QRICH1: variants seen among roughly 807,000 people sequenced by gnomAD.
QRICH1 encodes the protein glutamine rich 1.
In QRICH1, 16 loss-of-function variants were observed where a neutral mutation model predicts 87.1. The ratio of observed to expected loss-of-function variants is 0.18; its 90% CI spans 0.12 to 0.28. The LOEUF is 0.28. Among genes scored for constraint, QRICH1 ranks in the 10% least tolerant of loss-of-function variants. The pLI, the probability that QRICH1 is intolerant of heterozygous loss-of-function variation, is 1.00. For missense variants in QRICH1, 647 were observed against 951.7 expected (o/e 0.68, Z 4.21); for synonymous variants, 367 against 368.4 (o/e 1.00, Z 0.05).
At chr3:49,084,733 C>T (rs912559867) in intron 1 of QRICH1, among the ~76,000 whole-genome samples, 2 of 151,908 alleles carry the variant, frequency 1.3e-5, no homozygotes, top group African/African-American at 4.8e-5. Flanking sequence ...CACTGCACTT[C>T]AGCCTGGGGA....
At chr3:49,088,033 GCT>G (rs2042203261) in intron 1 of QRICH1, among the ~76,000 whole-genome samples, 1 of 150,076 alleles carries the variant, frequency 6.7e-6, no homozygotes, top group Admixed American at 6.7e-5. Flanking sequence ...CTCACTGCAA[GCT>G]CTGTCTCCCG....
At chr3:49,078,763 TCTCGG>T (rs2042002284) in intron 1 of QRICH1, among the ~76,000 whole-genome samples, 2 of 134,930 alleles carry the variant, frequency 1.5e-5, no homozygotes, top group African/African-American at 5.7e-5. Flanking sequence ...AGTGGCACGA[TCTCGG>T]CTCACTGCAG....
intron 5 of QRICH1, 47 bp downstream of exon 5, chr3:49,046,378 A>C: frequency 6.4e-7 from 1 of 1,555,920 alleles, no homozygotes; most frequent in Non-Finnish European, 8.7e-7. Context: ...GCAAACATCC[A>C]ATAGGAACAC....
chr3:49,086,495 G>T (rs2042169038), intron 1 of QRICH1, among the ~76,000 whole-genome samples: 1 of 152,004 alleles, frequency 6.6e-6, no homozygotes, highest in African/African-American at 2.4e-5. Context: ...CTGACCTCGT[G>T]ATCCTCAGCC....
At chr3:49,055,669 G>GT (rs956078506) in intron 3 of QRICH1, among the ~76,000 whole-genome samples, 2 of 151,988 alleles carry the variant, frequency 1.3e-5, no homozygotes, top group African/African-American at 4.8e-5. Flanking sequence ...AGCACTAATA[G>GT]TTTTTTTGTT....
intron 2 of QRICH1, among the ~76,000 whole-genome samples, chr3:49,069,740 A>G (rs2093490024): frequency 6.6e-6 from 1 of 151,942 alleles, no homozygotes; most frequent in African/African-American, 2.4e-5. Context: ...TCAGCCTCCC[A>G]AAGTACTGAG....
At chr3:49,058,665 GT>G (rs1347433262) in intron 2 of QRICH1, among the ~76,000 whole-genome samples, 4 of 149,408 alleles carry the variant, frequency 2.7e-5, no homozygotes, top group Admixed American at 6.6e-5. Flanking sequence ...TTTTGCTCTT[GT>G]TGCCCAGGCT....
At chr3:49,042,019 T>C (rs1381759055) in intron 6 of QRICH1, among the ~76,000 whole-genome samples, 1 of 148,506 alleles carries the variant, frequency 6.7e-6, no homozygotes, top group Non-Finnish European at 1.5e-5. Context: ...GTGATCCACC[T>C]GCCTTGGTCT....
chr3:49,093,044 G>C (rs1433794628), intron 1 of QRICH1, among the ~76,000 whole-genome samples: 2 of 152,184 alleles, frequency 1.3e-5, no homozygotes, highest in African/African-American at 4.8e-5. Flanking sequence ...AGCGCACAGA[G>C]GTGACGTGTA....
rs566472998 is a variant in QRICH1, at chr3:49,030,251, G to A, written c.*201C>T. 3 of 566,758 alleles carry A rather than the reference G, an allele frequency of 5.3e-6. No individual in the cohort carries two copies. The highest frequency in any genetic ancestry group is 9.2e-6 in the Non-Finnish European group (3 of 327,270). 35.1% of individuals were successfully genotyped at this position (566,758 alleles called of 1,614,324 possible). A position where few individuals can be genotyped will look rare whatever the true frequency, so the allele number is the denominator to read the frequency against. The stretch of plus-strand genomic sequence containing the variant: ...CTCAAGGAAACCCAGAGCCACCATC[G>A]GCTGAGGAGTCTGCCGCAGCAGGTT... On this transcript the variant is annotated 3_prime_UTR_variant, in exon 10 of 10. Transcript: ENST00000395443.
chr3:49,059,527 C>T (rs1299281838), intron 2 of QRICH1, among the ~76,000 whole-genome samples: 1 of 150,522 alleles, frequency 6.6e-6, no homozygotes, highest in Non-Finnish European at 1.5e-5. Flanking sequence ...TCAAGCTATT[C>T]TCCTGCCTCA....
At position 49,044,583 on chromosome 3, in the gene QRICH1, C is replaced by G. The variant is rs2093328736; in HGVS notation, c.1672-79G>C. On this transcript the variant is annotated intron_variant, in intron 5 of 9. Transcript: ENST00000395443. ...CAGGGGAAATAAATATATTTTTCTA[C>G]CAGTACTACTATCCTTCCCTACCCA... The G allele has an allele frequency of 4.8e-6, 5 of 1,039,034 alleles. No individual in the cohort carries two copies. In the South Asian group the frequency reaches 6.0e-5, roughly 12 times the overall value. The allele number at this position is 1,039,034 out of a possible 1,614,324, so 64.4% of individuals were successfully genotyped here.
At chr3:49,054,523 T>G (rs1224572537) in intron 3 of QRICH1, among the ~76,000 whole-genome samples, 1 of 134,756 alleles carries the variant, frequency 7.4e-6, no homozygotes, top group African/African-American at 2.7e-5. Flanking sequence ...CCTTCTCAAG[T>G]TGCATTAGGG....
chr3:49,040,009 C>T (rs1233376605), intron 6 of QRICH1, among the ~76,000 whole-genome samples: 6 of 151,824 alleles, frequency 4.0e-5, no homozygotes, highest in Non-Finnish European at 2.9e-5. Flanking sequence ...TGAAGTCAGC[C>T]GAGATCATAC....
chr3:49,070,017 C>T (rs2093491850), intron 2 of QRICH1, among the ~76,000 whole-genome samples: 1 of 152,004 alleles, frequency 6.6e-6, no homozygotes, highest in South Asian at 2.1e-4. Context: ...AAAGTTCTTT[C>T]CTACACGCAT....
chr3:49,043,897 C>A lies in QRICH1; in HGVS notation c.1786+493G>T, dbSNP rs145797272. On this transcript the variant is annotated intron_variant, in intron 6 of 9. Transcript: ENST00000395443. ...GCGCATGCCTATAGCTCCAGCTACTCAGGAGGCTGAGGTAGGAGGATCGCT... is the reference window on the plus strand; with the variant it reads ...GCGCATGCCTATAGCTCCAGCTACTAAGGAGGCTGAGGTAGGAGGATCGCT... 1.4e-3 allele frequency among the ~76,000 whole-genome samples: 216 copies of A among 152,296 alleles called. 1 individual carries two copies. Among genetic ancestry groups the A allele is most frequent in the Admixed American group, 0.011 (167 of 15,284 alleles).
intron 2 of QRICH1, among the ~76,000 whole-genome samples, chr3:49,065,857 G>T (rs1243649015): frequency 6.6e-6 from 1 of 152,056 alleles, no homozygotes; most frequent in Non-Finnish European, 1.5e-5. Flanking sequence ...TTTTTGTTTT[G>T]TATTTTTATT....
rs144421678 is a variant in QRICH1 at position 49,086,344 on chromosome 3, C to T, written c.-22+7568G>A. Among the ~76,000 whole-genome samples, 367 of 151,814 alleles carry T rather than the reference C, an allele frequency of 2.4e-3. 1 individual carries two copies. Among genetic ancestry groups the T allele is most frequent in the Non-Finnish European group, 4.0e-3 (272 of 67,952 alleles). ...CGATCTCGGCTCACTGTAAGCTCCACCTCCTGGATTCACACCATTCTCCTG... is the reference window on the plus strand; with the variant it reads ...CGATCTCGGCTCACTGTAAGCTCCATCTCCTGGATTCACACCATTCTCCTG... On this transcript the variant is annotated intron_variant, in intron 1 of 9. Transcript: ENST00000395443.
At position 49,032,675 on chromosome 3, in the gene QRICH1, C is replaced by T. The variant is rs2093248946; in HGVS notation, c.1994G>A (p.Ser665Asn). Residue 665 changes from serine (S) to asparagine (N), a missense_variant, in exon 8 of 10, where the codon AGC (serine) becomes AAC (asparagine). Ser to Asn is a conservative substitution (Grantham distance 46, BLOSUM62 1). Around this residue, in one of 7 missense-constraint regions of QRICH1, gnomAD observed 187 missense variants for 309.5 expected, o/e 0.60. Coordinates refer to ENST00000395443, the MANE Select transcript of QRICH1 (RefSeq NM_198880.3). ...KKNPSNPKDKSTSIRYLKALG... is the reference protein window; with the variant it reads ...KKNPSNPKDKNTSIRYLKALG... Reference sequence around the variant, plus strand: ...GGCCTTCAAGTACCGGATACTCGTGCTTTTATCCTTGGGATTAGAGGGGTT... The same window carrying T: ...GGCCTTCAAGTACCGGATACTCGTGTTTTTATCCTTGGGATTAGAGGGGTT... 1 of 1,612,574 alleles carries T rather than the reference C, an allele frequency of 6.2e-7. No homozygotes were observed. Among genetic ancestry groups the T allele is most frequent in the African/African-American group, 1.3e-5 (1 of 74,980 alleles).
Sources: allele counts gnomAD v4.1 joint callset (sites outside exome capture counted in the v4.1 genomes callset), GRCh38; gene constraint gnomAD v4.1.1; regional missense constraint gnomAD v4.1.1; transcripts MANE v1.5; gene names NCBI Gene and HGNC (gene_info 2026-07-23, HGNC 2026-07-21).